Variants in CTNND2 observed in about 807,000 individuals in gnomAD.
The protein encoded by CTNND2 is catenin delta 2, also known as catenin delta-2.
Under a neutral mutation model 144.4 loss-of-function variants are expected in CTNND2, and 22 were observed. The ratio of observed to expected loss-of-function variants is 0.15; its 90% confidence interval spans 0.11 to 0.22. CTNND2 has a LOEUF of 0.22. Among genes scored for constraint, CTNND2 ranks in the 10% least tolerant of loss-of-function variants. The probability of loss-of-function intolerance (pLI) is 1.00; values close to 1 mark genes in which losing one functional copy is unlikely to be tolerated. For missense variants in CTNND2, 1,353 were observed against 1,618.8 expected (o/e 0.84, Z 2.82); for synonymous variants, 751 against 695.6 (o/e 1.08, Z -1.25).
chr5:10,997,232 A>T (rs1271328383), intron 18 of CTNND2, among the ~76,000 whole-genome samples: 3 of 152,144 alleles, frequency 2.0e-5, no homozygotes, highest in Non-Finnish European at 4.4e-5. Context: ...CTTACCAAAA[A>T]CACGTTCAGG....
intron 2 of CTNND2, among the ~76,000 whole-genome samples, chr5:11,606,542 A>C (rs1410733747): frequency 1.3e-5 from 2 of 152,134 alleles, no homozygotes; most frequent in African/African-American, 4.8e-5. Context: ...GGGGAGAAAA[A>C]TGGAAAACAA....
At chr5:11,505,202 A>G (rs1393012038) in intron 3 of CTNND2, among the ~76,000 whole-genome samples, 1 of 152,204 alleles carries the variant, frequency 6.6e-6, no homozygotes, top group East Asian at 1.9e-4. Flanking sequence ...ATCATTAAAA[A>G]AAAAAAAAGT....
chr5:11,904,210 C>T lies in CTNND2; in HGVS notation c.-357G>A, dbSNP rs1314504923. 6.9e-6 allele frequency among the ~76,000 whole-genome samples: 1 copy of T among 145,716 alleles called. No homozygotes were observed. Among genetic ancestry groups the T allele is most frequent in the Non-Finnish European group, 1.5e-5 (1 of 65,612 alleles). The stretch of plus-strand genomic sequence containing the variant: ...CCGCCGCGCCCGCAGCTCCGCTCAG[C>T]CGGCTGTCGCCGCGGGCGCGAGCCT... On this transcript the variant is annotated 5_prime_UTR_variant, in exon 1 of 22. Transcript: ENST00000304623. The surrounding 1 kb of genome is among the most constrained non-coding windows in gnomAD (Gnocchi z 4.2).
chr5:11,133,788 A>G (rs1273076897), intron 12 of CTNND2, among the ~76,000 whole-genome samples: 1 of 152,240 alleles, frequency 6.6e-6, no homozygotes, highest in African/African-American at 2.4e-5. Flanking sequence ...TAATGTTGGA[A>G]AATGCGTTAA....
chr5:11,697,507 A>T (rs1379557745), intron 2 of CTNND2, among the ~76,000 whole-genome samples: 1 of 152,250 alleles, frequency 6.6e-6, no homozygotes, highest in South Asian at 2.1e-4. Flanking sequence ...CAGTAACAGT[A>T]TACTGTATCA....
intron 3 of CTNND2, among the ~76,000 whole-genome samples, chr5:11,484,324 C>A (rs1174606958): frequency 2.0e-5 from 3 of 152,194 alleles, no homozygotes; most frequent in African/African-American, 4.8e-5. Flanking sequence ...TCCGAATCTG[C>A]CCTCTGGCTT....
In CTNND2 at chr5:11,111,987, C is replaced by T. The variant is rs1212422585; in HGVS notation, c.2278-944G>A. 2.0e-5 allele frequency among the ~76,000 whole-genome samples: 3 copies of T among 151,512 alleles called. No individual in the cohort carries two copies. In the Admixed American group the frequency reaches 2.0e-4, roughly 10 times the overall value. On this transcript the variant is annotated intron_variant, in intron 13 of 21. Coordinates refer to ENST00000304623, the MANE Select transcript of CTNND2 (RefSeq NM_001332.4). ...TCAGCCTCCCAAGTAGCTGGGACTA[C>T]AGGCACCCGCCACTACGCCCAGCTA...
chr5:11,406,304 G>A (rs569185399), intron 5 of CTNND2, among the ~76,000 whole-genome samples: 1 of 152,282 alleles, frequency 6.6e-6, no homozygotes, highest in African/African-American at 2.4e-5. Flanking sequence ...CTGGGATAAG[G>A]AAGGTTTTCT....
intron 2 of CTNND2, among the ~76,000 whole-genome samples, chr5:11,565,943 T>G (rs919776121): frequency 3.9e-5 from 6 of 152,202 alleles, no homozygotes; most frequent in African/African-American, 1.2e-4. Context: ...AAAAATAAAT[T>G]ATCTAAACAG....
chr5:11,632,447 G>C (rs1159215230), intron 2 of CTNND2, among the ~76,000 whole-genome samples: 1 of 152,164 alleles, frequency 6.6e-6, no homozygotes, highest in Non-Finnish European at 1.5e-5. Flanking sequence ...AACTATTCCA[G>C]TCAAGTTACC....
rs553604595 is a variant in CTNND2 at position 11,041,914 on chromosome 5, T to A, written c.2789-18935A>T. Among the ~76,000 whole-genome samples, 7 of 152,336 alleles carry A rather than the reference T, an allele frequency of 4.6e-5. No individual in the cohort carries two copies. In the East Asian group the frequency reaches 1.2e-3, roughly 25 times the overall value. On this transcript the variant is annotated intron_variant, in intron 16 of 21. Coordinates refer to ENST00000304623, the MANE Select transcript of CTNND2 (RefSeq NM_001332.4). The stretch of plus-strand genomic sequence containing the variant: ...ACTCATCTCAGAGATTTATAATGTA[T>A]TAGCAAATTTACTTTGAATTAGCAA...
intron 2 of CTNND2, among the ~76,000 whole-genome samples, chr5:11,612,404 T>C (rs1441926693): frequency 1.3e-5 from 2 of 152,202 alleles, no homozygotes; most frequent in Non-Finnish European, 2.9e-5. Context: ...CCCTGAATTA[T>C]ATTTAAATTA....
chr5:11,349,621 C>A (rs149480239), intron 8 of CTNND2, among the ~76,000 whole-genome samples: 1 of 152,080 alleles, frequency 6.6e-6, no homozygotes, highest in African/African-American at 2.4e-5. Flanking sequence ...AGGCCTGAAA[C>A]GAAAGGAAAT....
At chr5:10,986,597 G>A (rs886642305) in intron 20 of CTNND2, 12 of 436,856 alleles carry the variant, frequency 2.7e-5, no homozygotes, top group South Asian at 1.2e-4. Context: ...GTTCATCTAC[G>A]CGGCAACATG....
At chr5:11,355,545 T>G (rs774653257) in intron 8 of CTNND2, among the ~76,000 whole-genome samples, 1 of 152,050 alleles carries the variant, frequency 6.6e-6, no homozygotes, top group African/African-American at 2.4e-5. Flanking sequence ...AAGCCATACA[T>G]GACAAACCCA....
chr5:11,237,529 C>T (rs1467577781), intron 9 of CTNND2, among the ~76,000 whole-genome samples: 1 of 151,922 alleles, frequency 6.6e-6, no homozygotes, highest in African/African-American at 2.4e-5. Context: ...GAGATGGGGT[C>T]TTACTGTGTC....
intron 7 of CTNND2, among the ~76,000 whole-genome samples, chr5:11,375,578 T>G (rs1242536626): frequency 6.6e-6 from 1 of 152,216 alleles, no homozygotes; most frequent in African/African-American, 2.4e-5. Flanking sequence ...GTTATTGGGT[T>G]ATGTATGTAT....
intron 12 of CTNND2, among the ~76,000 whole-genome samples, chr5:11,126,828 T>C (rs897907936): frequency 3.9e-5 from 6 of 152,244 alleles, no homozygotes; most frequent in Non-Finnish European, 7.3e-5. Flanking sequence ...CCTTCACACT[T>C]ACAGCAGCAA....
At chr5:11,311,539 C>CT (rs1750862900) in intron 9 of CTNND2, among the ~76,000 whole-genome samples, 1 of 147,304 alleles carries the variant, frequency 6.8e-6, no homozygotes, top group African/African-American at 2.5e-5. Context: ...CTCACACACA[C>CT]ACTCTCACCC....
Sources: gnomAD v4.1 joint callset for allele counts (sites outside exome capture counted in the v4.1 genomes callset) on GRCh38, gnomAD v4.1.1 for gene constraint, Gnocchi (gnomAD v3.1) non-coding constraint, MANE v1.5 for transcripts, NCBI Gene and HGNC (gene_info 2026-07-23, HGNC 2026-07-21) for gene names.